FHIT: variants seen among roughly 807,000 people sequenced by gnomAD.
FHIT encodes fragile histidine triad diadenosine triphosphatase.
A neutral mutation model predicts 17.9 loss-of-function variants in FHIT; 19 were observed. The ratio of observed to expected loss-of-function variants is 1.06; its 90% CI spans 0.74 to 1.56. The LOEUF is 1.56. FHIT is among the 40% of genes most tolerant of loss of function. FHIT has a pLI of 0.00. For missense variants in FHIT, 248 were observed against 189.2 expected (o/e 1.31, Z -1.82); for synonymous variants, 81 against 69.7 (o/e 1.16, Z -0.81).
chr3:61,098,507 G>C (rs1156304005), intron 2 of FHIT, among the ~76,000 whole-genome samples: 1 of 152,154 alleles, frequency 6.6e-6, no homozygotes, highest in Admixed American at 6.5e-5. Flanking sequence ...TAGATTAATA[G>C]GAATAACACT....
Position 60,732,153 on chromosome 3 carries a change from C to T in FHIT, c.-18+89766G>A, listed in dbSNP as rs138576694. ...AAAACACAAGTCAAACTTAGTAGAG[C>T]TGTCCACAGTCAGCAATGGTGATCT... is the stretch of plus-strand genomic sequence containing the variant. On this transcript the variant is annotated intron_variant, in intron 4 of 9. Coordinates refer to ENST00000492590, the MANE Select transcript of FHIT (RefSeq NM_002012.4). The T allele has an allele frequency of 1.8e-3, 1,406 of 781,408 alleles. 22 individuals are homozygous for T. The highest frequency in any genetic ancestry group is 2.5e-3 in the Non-Finnish European group (1,172 of 460,460). The allele number at this position is 781,408 out of a possible 1,614,324, so 48.4% of individuals were successfully genotyped here. A position where few individuals can be genotyped will look rare whatever the true frequency, so the allele number is the denominator to read the frequency against.
At chr3:60,390,612 A>T (rs1455864950) in intron 5 of FHIT, among the ~76,000 whole-genome samples, 1 of 151,998 alleles carries the variant, frequency 6.6e-6, no homozygotes, top group Admixed American at 6.6e-5. Flanking sequence ...GTCCCTAAAG[A>T]CCTTCCAGTG....
At chr3:60,307,033 ATTAAGAAACCATGCCCCC>A (rs1194768899) in intron 5 of FHIT, among the ~76,000 whole-genome samples, 2 of 152,108 alleles carry the variant, frequency 1.3e-5, no homozygotes, top group Non-Finnish European at 2.9e-5. Context: ...AGACTTCCAC[ATTAAGAAACCATGCCCCC>A]TTTTGACATG....
intron 4 of FHIT, among the ~76,000 whole-genome samples, chr3:60,768,325 T>C (rs1699920400): frequency 6.6e-6 from 1 of 152,170 alleles, no homozygotes; most frequent in Non-Finnish European, 1.5e-5. Context: ...TCTCAAACTT[T>C]TACCAGAGTG....
chr3:61,050,043 C>T (rs1274396888), intron 2 of FHIT, among the ~76,000 whole-genome samples: 1 of 152,198 alleles, frequency 6.6e-6, no homozygotes, highest in African/African-American at 2.4e-5. Context: ...TCCCACTCTT[C>T]ATCAAACCTA....
intron 5 of FHIT, among the ~76,000 whole-genome samples, chr3:60,135,272 T>C (rs556289352): frequency 1.3e-5 from 2 of 152,236 alleles, no homozygotes; most frequent in African/African-American, 4.8e-5. Flanking sequence ...CGTCACGTCC[T>C]TAAAATGCCT....
intron 5 of FHIT, among the ~76,000 whole-genome samples, chr3:60,304,762 T>C (rs941620961): frequency 6.6e-6 from 1 of 152,178 alleles, no homozygotes; most frequent in African/African-American, 2.4e-5. Context: ...CTCTGGGAAC[T>C]CTAAATTAGA....
At chr3:59,750,056 G>GTGTAACAAGTTAGGGTAAATA (rs1700806583) in intron 9 of FHIT, 1 of 224,786 alleles carries the variant, frequency 4.4e-6, no homozygotes, top group African/African-American at 2.2e-5. Flanking sequence ...GCAATAGTTT[G>GTGTAACAAGTTAGGGTAAATA]TGTAACAAGT....
chr3:60,124,206 C>G (rs920497335), intron 5 of FHIT, among the ~76,000 whole-genome samples: 2 of 151,034 alleles, frequency 1.3e-5, no homozygotes, highest in African/African-American at 4.9e-5. Context: ...GCATGAACCA[C>G]TGCACCTGGC....
intron 7 of FHIT, among the ~76,000 whole-genome samples, chr3:59,924,335 T>C (rs57355888): frequency 6.6e-6 from 1 of 152,036 alleles, no homozygotes; most frequent in Non-Finnish European, 1.5e-5. Flanking sequence ...CTCCCATCCA[T>C]CCATCTTTCA....
intron 2 of FHIT, among the ~76,000 whole-genome samples, chr3:61,107,030 G>A (rs529514703): frequency 1.6e-3 from 247 of 152,164 alleles, no homozygotes; most frequent in Admixed American, 2.4e-3. Context: ...ATAATACATG[G>A]TTATTAACCA....
At chr3:61,131,311 C>T (rs1450174974) in intron 2 of FHIT, among the ~76,000 whole-genome samples, 1 of 152,170 alleles carries the variant, frequency 6.6e-6, no homozygotes, top group African/African-American at 2.4e-5. Flanking sequence ...TAATTTTCTG[C>T]TGCATTTTTA....
intron 4 of FHIT, among the ~76,000 whole-genome samples, chr3:60,698,898 C>T (rs2041175713): frequency 6.6e-6 from 1 of 152,156 alleles, no homozygotes; most frequent in African/African-American, 2.4e-5. Context: ...ATTAGCACAT[C>T]ACCCAGAGAA....
intron 5 of FHIT, among the ~76,000 whole-genome samples, chr3:60,373,348 A>G (rs1169412883): frequency 6.6e-6 from 1 of 152,170 alleles, no homozygotes; most frequent in Non-Finnish European, 1.5e-5. Context: ...GGCTTGGTAA[A>G]GTTCTAGATA....
At chr3:60,639,830 C>A (rs920062417) in intron 4 of FHIT, among the ~76,000 whole-genome samples, 7 of 152,142 alleles carry the variant, frequency 4.6e-5, no homozygotes, top group African/African-American at 1.7e-4. Context: ...GAATACATGT[C>A]CACACAAATA....
chr3:61,153,746 G>A (rs1319020442), intron 2 of FHIT, among the ~76,000 whole-genome samples: 1 of 152,150 alleles, frequency 6.6e-6, no homozygotes, highest in African/African-American at 2.4e-5. Flanking sequence ...TGAAAGTCAT[G>A]GCCAGGTTGT....
intron 8 of FHIT, among the ~76,000 whole-genome samples, chr3:59,796,165 G>A (rs1699769623): frequency 6.6e-6 from 1 of 152,170 alleles, no homozygotes; most frequent in Admixed American, 6.5e-5. Context: ...GTTGAGGCAA[G>A]ATGCGGTATG....
At chr3:59,940,285 A>G (rs1357441011) in intron 7 of FHIT, among the ~76,000 whole-genome samples, 1 of 152,210 alleles carries the variant, frequency 6.6e-6, no homozygotes, top group Non-Finnish European at 1.5e-5. Context: ...ACTTAACCAC[A>G]AAATCTGTGC....
chr3:60,308,966 C>CA (rs1289943846), intron 5 of FHIT, among the ~76,000 whole-genome samples: 1 of 152,156 alleles, frequency 6.6e-6, no homozygotes, highest in African/African-American at 2.4e-5. Context: ...GATTATCTCA[C>CA]ACATCACACA....
Sources: gnomAD v4.1 joint callset for allele counts (sites outside exome capture counted in the v4.1 genomes callset) on GRCh38, gnomAD v4.1.1 for gene constraint, MANE v1.5 for transcripts, NCBI Gene and HGNC (gene_info 2026-07-23, HGNC 2026-07-21) for gene names.